Variants in MIPEP observed in about 807,000 individuals in gnomAD.
The protein encoded by MIPEP is mitochondrial intermediate peptidase.
MIPEP carries 79 observed loss-of-function variants against 90.3 expected under a neutral mutation model. The observed-to-expected ratio is 0.87, with a 90% CI of 0.73 to 1.05. The LOEUF (loss-of-function observed/expected upper bound fraction) is 1.05, where lower values mean the gene tolerates loss of function less well. Ranked by LOEUF, MIPEP falls within the 50% of genes least tolerant of loss-of-function variation. The probability of loss-of-function intolerance (pLI) is 0.00; values close to 1 mark genes in which losing one functional copy is unlikely to be tolerated. For synonymous variants in MIPEP, 334 were observed against 315.8 expected, an observed-to-expected ratio of 1.06 and a Z score of -0.61; for missense variants, 940 against 905.6, an observed-to-expected ratio of 1.04 and a Z score of -0.49.
At chr13:23,739,031 G>T (rs1349820968) in intron 18 of MIPEP, among the ~76,000 whole-genome samples, 5 of 152,186 alleles carry the variant, frequency 3.3e-5, no homozygotes, top group African/African-American at 1.2e-4. Context: ...ACTATAACTT[G>T]AAAAATACTG....
chr13:23,888,057 TC>T (rs1483051381), intron 1 of MIPEP: 4 of 405,812 alleles, frequency 9.9e-6, no homozygotes, highest in Non-Finnish European at 1.9e-5. Flanking sequence ...AAGGCAAAAA[TC>T]AATTCTAAAA....
chr13:23,773,593 G>A (rs1952678263), intron 16 of MIPEP, among the ~76,000 whole-genome samples: 3 of 152,088 alleles, frequency 2.0e-5, no homozygotes, highest in Admixed American at 2.0e-4. Context: ...AACGTATGAG[G>A]GTTCCAATTT....
intron 16 of MIPEP, among the ~76,000 whole-genome samples, chr13:23,768,810 A>G (rs1952619298): frequency 1.3e-5 from 2 of 152,218 alleles, no homozygotes; most frequent in Non-Finnish European, 2.9e-5. Context: ...AATATTAACT[A>G]GGAGCACATC....
At chr13:23,879,505 CTTCTTTCCTTCCCTTCT>C in intron 3 of MIPEP, 151 bp from the exon 4 acceptor site, 1 of 557,916 alleles carries the variant, frequency 1.8e-6, no homozygotes. Flanking sequence ...TCCTTCCTTC[CTTCTTTCCTTCCCTTCT>C]TTCTTTCTTT....
intron 7 of MIPEP, among the ~76,000 whole-genome samples, chr13:23,866,971 A>G (rs1387374838): frequency 6.6e-6 from 1 of 151,612 alleles, no homozygotes; most frequent in Non-Finnish European, 1.5e-5. Flanking sequence ...TGTACCCAGA[A>G]TCTGATCACA....
At chr13:23,794,530 A>G (rs888144778) in intron 16 of MIPEP, among the ~76,000 whole-genome samples, 9 of 152,214 alleles carry the variant, frequency 5.9e-5, no homozygotes, top group South Asian at 4.1e-4. Context: ...GCTTCCTGAA[A>G]TAGAAACAGC....
intron 16 of MIPEP, among the ~76,000 whole-genome samples, chr13:23,779,535 G>A (rs924679278): frequency 4.6e-5 from 7 of 152,136 alleles, no homozygotes; most frequent in African/African-American, 1.2e-4. Flanking sequence ...CGTGAGTGAC[G>A]CAGAAGACGG....
intron 4 of MIPEP, among the ~76,000 whole-genome samples, chr13:23,877,209 C>T (rs1361467751): frequency 6.6e-6 from 1 of 152,096 alleles, no homozygotes; most frequent in African/African-American, 2.4e-5. Context: ...TAAAAAAATT[C>T]TTTATAAATT....
At chr13:23,741,493 A>C (rs1593126789) in intron 18 of MIPEP, among the ~76,000 whole-genome samples, 1 of 38,440 alleles carries the variant, frequency 2.6e-5, no homozygotes, top group African/African-American at 6.3e-5. Flanking sequence ...ATGTAGCTAT[A>C]AAAAAATGAG....
intron 10 of MIPEP, among the ~76,000 whole-genome samples, chr13:23,845,309 T>G (rs1024208454): frequency 6.6e-6 from 1 of 152,158 alleles, no homozygotes; most frequent in East Asian, 1.9e-4. Flanking sequence ...TCTCCTGTTG[T>G]GTTGTACATG....
chr13:23,816,548 TCTC>T (rs1386600201), intron 14 of MIPEP, among the ~76,000 whole-genome samples: 2 of 152,190 alleles, frequency 1.3e-5, no homozygotes. Context: ...AGTTTCCACT[TCTC>T]CTTATCTGTT....
intron 14 of MIPEP, among the ~76,000 whole-genome samples, chr13:23,822,500 G>A (rs370955698): frequency 3.3e-5 from 5 of 152,150 alleles, no homozygotes; most frequent in East Asian, 1.9e-4. Flanking sequence ...ATCCTATCCC[G>A]ATGATGCATT....
intron 14 of MIPEP, among the ~76,000 whole-genome samples, chr13:23,810,538 ATAAAT>A (rs1188060324): frequency 2.6e-5 from 4 of 152,272 alleles, no homozygotes; most frequent in Non-Finnish European, 5.9e-5. Flanking sequence ...CCTCTTAGAA[ATAAAT>A]TAATAATGTA....
At chr13:23,796,021 G>T (rs1425355697) in intron 16 of MIPEP, among the ~76,000 whole-genome samples, 1 of 152,040 alleles carries the variant, frequency 6.6e-6, no homozygotes, top group African/African-American at 2.4e-5. Context: ...TTGTTAATAT[G>T]CTTGAGTGTT....
intron 5 of MIPEP, among the ~76,000 whole-genome samples, chr13:23,873,454 T>C (rs1184511023): frequency 6.6e-6 from 1 of 152,106 alleles, no homozygotes; most frequent in East Asian, 1.9e-4. Context: ...GCTTACAAAA[T>C]AACGTCCCAC....
chr13:23,746,742 G>A (rs184682880), intron 18 of MIPEP, among the ~76,000 whole-genome samples: 40 of 151,958 alleles, frequency 2.6e-4, no homozygotes, highest in African/African-American at 9.7e-4. Flanking sequence ...CTGAGAGAAC[G>A]TTACCTACAT....
intron 5 of MIPEP, among the ~76,000 whole-genome samples, chr13:23,871,576 A>C (rs1370861851): frequency 6.6e-6 from 1 of 152,244 alleles, no homozygotes; most frequent in East Asian, 1.9e-4. Context: ...AGCAATTAAC[A>C]AGTTCTAAAC....
At chr13:23,855,008 A>C (rs1869989697) in intron 10 of MIPEP, among the ~76,000 whole-genome samples, 1 of 152,194 alleles carries the variant, frequency 6.6e-6, no homozygotes, top group Admixed American at 6.5e-5. Context: ...AGCATCAAAA[A>C]CAAAATCCAA....
chr13:23,818,003 G>A (rs925402870), intron 14 of MIPEP, among the ~76,000 whole-genome samples: 2 of 149,518 alleles, frequency 1.3e-5, no homozygotes, highest in Non-Finnish European at 2.9e-5. Context: ...ATTGAGGTTA[G>A]GCACATTAAA....
Sources: gnomAD v4.1 joint callset for allele counts (sites outside exome capture counted in the v4.1 genomes callset) on GRCh38, gnomAD v4.1.1 for gene constraint, MANE v1.5 for transcripts, NCBI Gene and HGNC (gene_info 2026-07-23, HGNC 2026-07-21) for gene names.